DDX60L: variants seen among roughly 807,000 people sequenced by gnomAD.
DDX60L encodes the protein DExD/H-box 60 like.
DDX60L carries 191 observed loss-of-function variants against 211.6 expected under a neutral mutation model. The observed-to-expected ratio is 0.90, with a 90% CI of 0.80 to 1.02. The LOEUF (loss-of-function observed/expected upper bound fraction) is 1.02, where lower values mean the gene tolerates loss of function less well. DDX60L is among the 50% of genes least tolerant of loss of function. The probability of loss-of-function intolerance (pLI) is 0.00; values close to 1 mark genes in which losing one functional copy is unlikely to be tolerated. For synonymous variants in DDX60L, 706 were observed against 694.1 expected (o/e 1.02, Z -0.27); for missense variants, 2,007 against 1,984.1 (o/e 1.01, Z -0.22).
chr4:168,433,561 T>A (rs1752645439), intron 10 of DDX60L, among the ~76,000 whole-genome samples: 1 of 152,166 alleles, frequency 6.6e-6, no homozygotes. Context: ...CCAAATACTC[T>A]TTGGAGCCTT....
At position 168,415,508 on chromosome 4, in the gene DDX60L, C is replaced by T; in HGVS notation, c.2879G>A (p.Gly960Glu). 1 of 1,575,600 alleles carries T rather than the reference C, an allele frequency of 6.3e-7. No homozygotes were observed. Among genetic ancestry groups the T allele is most frequent in the Non-Finnish European group, 8.7e-7 (1 of 1,149,918 alleles). The change falls in exon 22 of 38, where the codon GGA becomes GAA. Residue 960 changes from glycine (G) to glutamate (E), a missense_variant. Transcript: ENST00000682922. ...QSYEVRLVLC[G>E]ERYNDLEKHI... The stretch of plus-strand genomic sequence containing the variant: ...CTTCTCTAAATCATTGTATCTCTCT[C>T]CACAGAGCACTAGATACGAAGAGCA...
Position 168,395,765 on chromosome 4 carries a change from G to A in DDX60L, c.3657+194C>T, listed in dbSNP as rs149440565. On this transcript the variant is annotated intron_variant, in intron 27 of 37. Coordinates refer to ENST00000682922, the MANE Select transcript of DDX60L (RefSeq NM_001012967.3). ...AATAAGAGGCTGACATTCACACTGA[G>A]CAAGGAAGAGTCACTTATAGAACTT... The A allele has an allele frequency of 2.8e-3, 1,463 of 528,146 alleles. 6 individuals carry two copies. Among genetic ancestry groups the A allele is most frequent in the Non-Finnish European group, 4.1e-3 (1,245 of 304,918 alleles). 32.7% of individuals were successfully genotyped at this position (528,146 alleles called of 1,614,324 possible).
chr4:168,420,629 CACACACACACAT>C (rs150873181), intron 17 of DDX60L, among the ~76,000 whole-genome samples: 20,915 of 132,566 alleles, frequency 0.16, 1,717 homozygotes, highest in Admixed American at 0.19. Context: ...CACACACACA[CACACACACACAT>C]GAGATAGATA....
At chr4:168,358,488 C>A (rs892709425) in intron 37 of DDX60L, among the ~76,000 whole-genome samples, 41 of 150,584 alleles carry the variant, frequency 2.7e-4, no homozygotes, top group African/African-American at 9.0e-4. Context: ...AGATATATAC[C>A]TTCACACAGT....
intron 10 of DDX60L, among the ~76,000 whole-genome samples, chr4:168,437,646 G>C (rs1753229541): frequency 6.6e-6 from 1 of 152,154 alleles, no homozygotes; most frequent in Admixed American, 6.5e-5. Context: ...TGTTAAAATA[G>C]AGATTGCAAG....
intron 12 of DDX60L, 114 bp downstream of exon 12, chr4:168,432,341 T>C (rs1752485363): frequency 3.7e-6 from 1 of 267,404 alleles, no homozygotes; most frequent in Non-Finnish European, 7.1e-6. Context: ...AATATATAGA[T>C]AGATCTCATT....
At chr4:168,441,238 G>A in intron 10 of DDX60L, 99 bp downstream of exon 10, 2 of 1,211,400 alleles carry the variant, frequency 1.7e-6, no homozygotes, top group East Asian at 2.4e-5. Flanking sequence ...CACAGTGAAG[G>A]AAAATTATTT....
At chr4:168,358,524 C>CTT (rs70961514) in intron 37 of DDX60L, among the ~76,000 whole-genome samples, 45 of 108,184 alleles carry the variant, frequency 4.2e-4, no homozygotes, top group East Asian at 8.6e-4. Flanking sequence ...TTTTCTTTTT[C>CTT]TTTTTTTTTT....
intron 8 of DDX60L, among the ~76,000 whole-genome samples, chr4:168,452,552 A>G (rs1755943379): frequency 6.6e-6 from 1 of 152,228 alleles, no homozygotes; most frequent in Non-Finnish European, 1.5e-5. Context: ...TACAACTACT[A>G]TGTACTCACA....
At chr4:168,365,015 G>T (rs1458451547) in intron 36 of DDX60L, among the ~76,000 whole-genome samples, 1 of 151,936 alleles carries the variant, frequency 6.6e-6, no homozygotes, top group Non-Finnish European at 1.5e-5. Context: ...AAAACTTATG[G>T]AACACAGAAA....
intron 5 of DDX60L, 32 bp downstream of exon 5, chr4:168,461,667 C>G (rs770499182): frequency 1.4e-6 from 2 of 1,390,684 alleles, no homozygotes; most frequent in African/African-American, 2.9e-5. Context: ...AACAAGAAAT[C>G]AGGAAAAAAA....
At position 168,415,496 on chromosome 4, in the gene DDX60L, T is replaced by A. The variant is rs1369203914; in HGVS notation, c.2891A>T (p.Asn964Ile). ...TGAACATATATGCTTCTCTAAATCATTGTATCTCTCTCCACAGAGCACTAG... is the reference window on the plus strand; with the variant it reads ...TGAACATATATGCTTCTCTAAATCAATGTATCTCTCTCCACAGAGCACTAG... ...VRLVLCGERY[N>I]DLEKHICSVK... Residue 964 changes from asparagine (N) to isoleucine (I), a missense_variant, in exon 22 of 38, where the codon AAT becomes ATT. Coordinates refer to ENST00000682922, the MANE Select transcript of DDX60L (RefSeq NM_001012967.3). 2 of 1,597,006 alleles carry A rather than the reference T, an allele frequency of 1.3e-6. No individual in the cohort carries two copies. The highest frequency in any genetic ancestry group is 1.7e-6 in the Non-Finnish European group (2 of 1,167,772).
intron 35 of DDX60L, among the ~76,000 whole-genome samples, chr4:168,372,356 T>A (rs931873501): frequency 2.0e-5 from 3 of 152,062 alleles, no homozygotes; most frequent in African/African-American, 7.2e-5. Context: ...CAAATTAATC[T>A]GTACAGAATC....
chr4:168,419,922 A>G (rs901548803), intron 18 of DDX60L, among the ~76,000 whole-genome samples: 5 of 152,178 alleles, frequency 3.3e-5, no homozygotes, highest in Admixed American at 6.5e-5. Flanking sequence ...TGTTCACAAG[A>G]CCTAGCAATT....
intron 17 of DDX60L, among the ~76,000 whole-genome samples, chr4:168,421,435 G>A (rs1750589120): frequency 6.6e-6 from 1 of 152,150 alleles, no homozygotes. Context: ...CAAGGTGGGT[G>A]GATCACCTGA....
rs1172166708 is a variant in DDX60L, at chr4:168,375,377, T to C, written c.4633A>G (p.Lys1545Glu). ...KEHQLPLSRI[K>E]FTGKECEDSQ... ...CGGAATGGAACTAAAATCTGCTTAC[T>C]GATTCTTGACAAAGGGAGTTGATGC... Residue 1545 changes from lysine to glutamate, a missense_variant and splice_region_variant, in exon 34 of 38, where the codon AAA becomes GAA. Physicochemically the swap from Lys to Glu is moderately conservative, Grantham distance 56. Transcript: ENST00000682922. The C allele has an allele frequency of 6.2e-7, 1 of 1,611,534 alleles. No homozygotes were observed. Among genetic ancestry groups the C allele is most frequent in the South Asian group, 1.1e-5 (1 of 90,702 alleles).
chr4:168,468,200 AAT>A, intron 4 of DDX60L, among the ~76,000 whole-genome samples: 1 of 151,818 alleles, frequency 6.6e-6, no homozygotes, highest in South Asian at 2.1e-4. Flanking sequence ...AAACAAGTAA[AAT>A]TACAGATTAA....
chr4:168,392,840 CAAAAAAAAAAAA>C (rs60915238), intron 28 of DDX60L, among the ~76,000 whole-genome samples: 1 of 126,620 alleles, frequency 7.9e-6, no homozygotes, highest in South Asian at 2.6e-4. Flanking sequence ...AACTCTGTCT[CAAAAAAAAAAAA>C]AAAAAAAAGT....
Position 168,375,391 on chromosome 4 carries a change from G to C in DDX60L, c.4619C>G (p.Pro1540Arg), listed in dbSNP as rs758055716. ...AATCTGCTTACTGATTCTTGACAAAGGGAGTTGATGCTCTTTTTTCATGTT... is the reference window on the plus strand; with the variant it reads ...AATCTGCTTACTGATTCTTGACAAACGGAGTTGATGCTCTTTTTTCATGTT... ...SVNMKKEHQL[P>R]LSRIKFTGKE... Residue 1540 changes from proline (P) to arginine (R), a missense_variant, in exon 34 of 38, where the codon CCT becomes CGT. Physicochemically the swap from Pro to Arg is moderately radical, Grantham distance 103. Transcript: ENST00000682922. 1.3e-5 allele frequency: 21 copies of C among 1,612,154 alleles called. No homozygotes were observed. The highest frequency in any genetic ancestry group is 5.1e-6 in the Non-Finnish European group (6 of 1,179,122).
Sources: gnomAD v4.1 joint callset for allele counts (sites outside exome capture counted in the v4.1 genomes callset) on GRCh38, gnomAD v4.1.1 for gene constraint, MANE v1.5 for transcripts, NCBI Gene and HGNC (gene_info 2026-07-23, HGNC 2026-07-21) for gene names.